SDK1: variants seen among roughly 807,000 people sequenced by gnomAD.
SDK1 encodes sidekick cell adhesion molecule 1.
A neutral mutation model predicts 245.5 loss-of-function variants in SDK1; 157 were observed. The ratio of observed to expected loss-of-function variants is 0.64; its 90% CI spans 0.56 to 0.73. SDK1 has a LOEUF of 0.73. Ranked by LOEUF, SDK1 falls within the 30% of genes least tolerant of loss-of-function variation. SDK1 has a pLI of 0.00. For synonymous variants in SDK1, 1,647 were observed against 1,278.5 expected, an observed-to-expected ratio of 1.29 and a Z score of -6.15; for missense variants, 3,583 against 3,002.3, an observed-to-expected ratio of 1.19 and a Z score of -4.52.
At chr7:3,801,389 G>T (rs1779102816) in intron 4 of SDK1, among the ~76,000 whole-genome samples, 1 of 152,146 alleles carries the variant, frequency 6.6e-6, no homozygotes, top group Non-Finnish European at 1.5e-5. Flanking sequence ...CCTGTTTCAT[G>T]ACCCTAGAGT....
chr7:4,085,559 T>A (rs975400859), intron 22 of SDK1, among the ~76,000 whole-genome samples: 4 of 152,182 alleles, frequency 2.6e-5, no homozygotes, highest in African/African-American at 2.4e-5. Context: ...ACATTTTTTT[T>A]ATTTATTTAT....
chr7:3,945,165 A>T (rs1780523499), intron 5 of SDK1, among the ~76,000 whole-genome samples: 2 of 152,204 alleles, frequency 1.3e-5, no homozygotes. Flanking sequence ...CTGTAAGCAG[A>T]ATACTTAAGC....
At chr7:3,813,840 A>G (rs1779444309) in intron 4 of SDK1, among the ~76,000 whole-genome samples, 1 of 120,258 alleles carries the variant, frequency 8.3e-6, no homozygotes, top group African/African-American at 3.6e-5. Context: ...AGTGGTTTTG[A>G]TTTGCATTTC....
chr7:3,493,765 A>G (rs1043793836), intron 1 of SDK1, among the ~76,000 whole-genome samples: 41 of 152,188 alleles, frequency 2.7e-4, no homozygotes, highest in African/African-American at 9.4e-4. Context: ...CACTTATGAC[A>G]TAGCTTCTAT....
intron 35 of SDK1, among the ~76,000 whole-genome samples, chr7:4,184,190 C>T (rs1021991232): frequency 2.6e-5 from 4 of 152,216 alleles, no homozygotes; most frequent in Admixed American, 1.3e-4. Context: ...TCCGTCCCCT[C>T]GGCTGGAAGC....
chr7:3,321,776 TTC>T (rs1491241915), intron 1 of SDK1, among the ~76,000 whole-genome samples: 421 of 42,728 alleles, frequency 9.9e-3, no homozygotes, highest in African/African-American at 0.032. Flanking sequence ...CCTTCCTTCC[TTC>T]TCCTTCCTTC....
intron 1 of SDK1, among the ~76,000 whole-genome samples, chr7:3,477,189 C>CTTTTTTTTTTTTT (rs35328849): frequency 1.3e-5 from 1 of 78,626 alleles, no homozygotes; most frequent in Non-Finnish European, 2.3e-5. Context: ...TGGTTTTCTC[C>CTTTTTTTTTTTTT]TTTTTTTTTT....
chr7:3,371,428 A>T (rs751905327), intron 1 of SDK1, among the ~76,000 whole-genome samples: 6 of 152,216 alleles, frequency 3.9e-5, no homozygotes, highest in Non-Finnish European at 8.8e-5. Flanking sequence ...AAACACAGGT[A>T]ACAAATTTAG....
At chr7:4,039,793 G>A (rs747145182) in intron 17 of SDK1, among the ~76,000 whole-genome samples, 1 of 152,072 alleles carries the variant, frequency 6.6e-6, no homozygotes, top group African/African-American at 2.4e-5. Flanking sequence ...ATCAGATCTT[G>A]CTAAATTTAC....
intron 1 of SDK1, among the ~76,000 whole-genome samples, chr7:3,454,421 T>TGTGTGTGTGC (rs1453448237): frequency 6.7e-6 from 1 of 148,258 alleles, no homozygotes; most frequent in Non-Finnish European, 1.5e-5. Context: ...TGTGTGTGTG[T>TGTGTGTGTGC]GTGCTGTGTA....
chr7:4,187,936 C>G lies in SDK1; in HGVS notation c.5098+9350C>G, dbSNP rs191282061. 2.7e-5 allele frequency among the ~76,000 whole-genome samples: 4 copies of G among 147,876 alleles called. No homozygotes were observed. The East Asian group carries it at 8.1e-4, about 30-fold the overall frequency. On this transcript the variant is annotated intron_variant, in intron 35 of 44. Coordinates refer to ENST00000404826, the MANE Select transcript of SDK1 (RefSeq NM_152744.4). ...AAAGAAAAAGAGGTTGAACGGACTC[C>G]CAGTTCCACGTGGCTGGGGAAGGTG... is the stretch of plus-strand genomic sequence containing the variant.
chr7:3,592,950 C>T (rs1212634480), intron 1 of SDK1, among the ~76,000 whole-genome samples: 1 of 152,166 alleles, frequency 6.6e-6, no homozygotes, highest in Non-Finnish European at 1.5e-5. Flanking sequence ...GCTTGCAGGG[C>T]ATTGGGCAGC....
chr7:3,702,051 A>G (rs1301317101), intron 4 of SDK1, among the ~76,000 whole-genome samples: 1 of 152,180 alleles, frequency 6.6e-6, no homozygotes, highest in Non-Finnish European at 1.5e-5. Flanking sequence ...AACTTTCAGA[A>G]GAATAAACCT....
At chr7:3,439,697 C>A (rs894266388) in intron 1 of SDK1, among the ~76,000 whole-genome samples, 5 of 152,212 alleles carry the variant, frequency 3.3e-5, no homozygotes, top group Admixed American at 6.5e-5. Context: ...GGATAAGATA[C>A]AGCTTGCTTT....
intron 5 of SDK1, among the ~76,000 whole-genome samples, chr7:3,843,076 A>G (rs571632696): frequency 2.2e-4 from 34 of 152,276 alleles, no homozygotes; most frequent in Admixed American, 3.3e-4. Context: ...GCCGCTTAGC[A>G]TTAGAGGAAT....
intron 19 of SDK1, among the ~76,000 whole-genome samples, chr7:4,054,088 G>C (rs934506493): frequency 6.6e-6 from 1 of 151,444 alleles, no homozygotes; most frequent in Non-Finnish European, 1.5e-5. Flanking sequence ...ACAGGCACCG[G>C]CCACCACGTC....
At chr7:3,673,394 A>G (rs142297969) in intron 4 of SDK1, among the ~76,000 whole-genome samples, 132 of 152,300 alleles carry the variant, frequency 8.7e-4, no homozygotes, top group African/African-American at 3.0e-3. Flanking sequence ...CTTTTCCTGG[A>G]AGGTTTTTGT....
At chr7:3,993,883 C>T (rs1784521502) in intron 14 of SDK1, among the ~76,000 whole-genome samples, 1 of 152,200 alleles carries the variant, frequency 6.6e-6, no homozygotes, top group African/African-American at 2.4e-5. Context: ...AGGACAGAGC[C>T]AGTGAGCTCC....
At chr7:4,041,192 T>C in intron 17 of SDK1, among the ~76,000 whole-genome samples, 1 of 152,122 alleles carries the variant, frequency 6.6e-6, no homozygotes, top group East Asian at 1.9e-4. Context: ...AAGTGCCGTG[T>C]GGCTCAGCCA....
Sources: gnomAD v4.1 joint callset for allele counts (sites outside exome capture counted in the v4.1 genomes callset) on GRCh38, gnomAD v4.1.1 for gene constraint, MANE v1.5 for transcripts, NCBI Gene and HGNC (gene_info 2026-07-23, HGNC 2026-07-21) for gene names.